Variants in PDGFRL observed in about 807,000 individuals in gnomAD.
PDGFRL encodes platelet derived growth factor receptor like.
In PDGFRL, 46 loss-of-function variants were observed where a neutral mutation model predicts 37.2. The observed-to-expected ratio is 1.24, with a 90% confidence interval of 0.98 to 1.58. The LOEUF (loss-of-function observed/expected upper bound fraction) is 1.58, where lower values mean the gene tolerates loss of function less well. Ranked by LOEUF, PDGFRL falls within the 40% of genes most tolerant of loss-of-function variation. The pLI is 0.00. For missense variants in PDGFRL, 692 were observed against 467.6 expected, an observed-to-expected ratio of 1.48 and a Z score of -4.43; for synonymous variants, 251 against 184.3, an observed-to-expected ratio of 1.36 and a Z score of -2.93.
intron 2 of PDGFRL, among the ~76,000 whole-genome samples, chr8:17,590,901 GA>G (rs1803923867): frequency 4.7e-5 from 2 of 42,610 alleles, no homozygotes; most frequent in African/African-American, 7.1e-5. Context: ...TTTTTTTTTT[GA>G]GACGGAGTCT....
intron 2 of PDGFRL, among the ~76,000 whole-genome samples, chr8:17,593,899 A>AAT (rs1381828858): frequency 6.6e-6 from 1 of 151,440 alleles, no homozygotes; most frequent in East Asian, 1.9e-4. Flanking sequence ...AAAAAAAAAA[A>AAT]AGAAAAAAAA....
At chr8:17,634,294 C>G (rs1165465223) in intron 5 of PDGFRL, 81 bp downstream of exon 5, 4 of 1,120,978 alleles carry the variant, frequency 3.6e-6, no homozygotes, top group Non-Finnish European at 5.2e-6. Context: ...AGCTTCGTCC[C>G]CACCCAGTGC....
At chr8:17,599,343 C>T (rs768027636) in intron 2 of PDGFRL, among the ~76,000 whole-genome samples, 34 of 152,206 alleles carry the variant, frequency 2.2e-4, no homozygotes, top group Admixed American at 1.6e-3. Context: ...ATCATTCTTA[C>T]GCCTTTGTGT....
intron 2 of PDGFRL, among the ~76,000 whole-genome samples, chr8:17,610,358 G>C (rs1174308704): frequency 6.6e-6 from 1 of 152,178 alleles, no homozygotes; most frequent in Non-Finnish European, 1.5e-5. Context: ...AATCCGAAAT[G>C]CTACAAAATC....
chr8:17,602,970 AATTTT>A (rs1325164711), intron 2 of PDGFRL, among the ~76,000 whole-genome samples: 7 of 152,126 alleles, frequency 4.6e-5, no homozygotes, highest in African/African-American at 1.7e-4. Context: ...TTTACAAACA[AATTTT>A]ATTTTATTTT....
chr8:17,636,863 A>G (rs537139835), intron 5 of PDGFRL, among the ~76,000 whole-genome samples: 2 of 151,910 alleles, frequency 1.3e-5, no homozygotes, highest in South Asian at 4.2e-4. Context: ...GAGTATATAT[A>G]TTTTTTGCAG....
upstream of PDGFRL, among the ~76,000 whole-genome samples, chr8:17,576,968 G>A (rs1055112559): frequency 6.6e-6 from 1 of 151,304 alleles, no homozygotes; most frequent in East Asian, 2.0e-4. Flanking sequence ...GAAATTCAAG[G>A]AATGGCTGTT....
chr8:17,619,932 C>G (rs958834403), intron 2 of PDGFRL, among the ~76,000 whole-genome samples: 1 of 152,202 alleles, frequency 6.6e-6, no homozygotes, highest in African/African-American at 2.4e-5. Flanking sequence ...GCTTTTCTCT[C>G]TGCTTCCCCC....
chr8:17,632,063 C>A (rs567697655), intron 4 of PDGFRL, among the ~76,000 whole-genome samples: 1 of 152,336 alleles, frequency 6.6e-6, no homozygotes, highest in Admixed American at 6.5e-5. Context: ...CAGTGCCATC[C>A]TCCCTGGACC....
intron 4 of PDGFRL, among the ~76,000 whole-genome samples, chr8:17,630,301 C>T (rs562229922): frequency 4.6e-5 from 7 of 152,320 alleles, no homozygotes; most frequent in African/African-American, 1.7e-4. Flanking sequence ...ATTGGAACTA[C>T]TTCTTTCAAT....
intron 3 of PDGFRL, among the ~76,000 whole-genome samples, chr8:17,626,607 G>T (rs564538314): frequency 1.8e-4 from 27 of 152,320 alleles, no homozygotes; most frequent in African/African-American, 6.5e-4. Context: ...CAGGAACACT[G>T]TGGGGAAAAC....
At chr8:17,631,838 T>C (rs1296052267) in intron 4 of PDGFRL, among the ~76,000 whole-genome samples, 1 of 152,130 alleles carries the variant, frequency 6.6e-6, no homozygotes, top group East Asian at 1.9e-4. Context: ...CTCTTAGCCT[T>C]CTATCAACTT....
At chr8:17,632,951 C>T (rs1032644246) in intron 4 of PDGFRL, among the ~76,000 whole-genome samples, 2 of 152,184 alleles carry the variant, frequency 1.3e-5, no homozygotes, top group Non-Finnish European at 2.9e-5. Flanking sequence ...TCAGACTGTT[C>T]TATTCTGGCC....
chr8:17,621,024 T>C (rs1262757607), intron 2 of PDGFRL, 27 bp from the exon 3 acceptor site: 1 of 1,565,532 alleles, frequency 6.4e-7, no homozygotes, highest in Non-Finnish European at 8.7e-7. Context: ...CTGACTTGCT[T>C]TGAGTTCATG....
intron 4 of PDGFRL, among the ~76,000 whole-genome samples, chr8:17,632,192 A>T (rs187293719): frequency 9.9e-5 from 15 of 152,200 alleles, no homozygotes; most frequent in African/African-American, 3.6e-4. Context: ...TTTTTCATTA[A>T]ATCACTTTCA....
intron 2 of PDGFRL, among the ~76,000 whole-genome samples, chr8:17,605,819 G>T (rs1008945686): frequency 7.2e-5 from 11 of 152,206 alleles, no homozygotes; most frequent in Admixed American, 5.9e-4. Flanking sequence ...GTCAAAAACT[G>T]GGAGTTGGGA....
At chr8:17,593,090 A>G (rs887530312) in intron 2 of PDGFRL, among the ~76,000 whole-genome samples, 1 of 152,206 alleles carries the variant, frequency 6.6e-6, no homozygotes, top group African/African-American at 2.4e-5. Flanking sequence ...CATTGTGGAT[A>G]TAACAGGATA....
At chr8:17,638,763 ATATATATATATAT>A (rs1563532465) in intron 5 of PDGFRL, among the ~76,000 whole-genome samples, 4 of 115,692 alleles carry the variant, frequency 3.5e-5, no homozygotes, top group Non-Finnish European at 5.1e-5. Flanking sequence ...ATATATATAT[ATATATATATATAT>A]ATATATATAT....
Position 17,642,981 on chromosome 8 carries a change from G to T in PDGFRL, c.*180G>T. On this transcript the variant is annotated 3_prime_UTR_variant, in exon 6 of 6. Coordinates refer to ENST00000251630, the MANE Select transcript of PDGFRL (RefSeq NM_001372073.1). Reference sequence around the variant, plus strand: ...AAGGAAGTCATCCAGTCTATTCACAGAAGTGTTAACTTTTCTAACAGAAAG... The same window carrying T: ...AAGGAAGTCATCCAGTCTATTCACATAAGTGTTAACTTTTCTAACAGAAAG... 2 of 535,716 alleles carry T rather than the reference G, an allele frequency of 3.7e-6. No individual in the cohort carries two copies. 33.2% of individuals were successfully genotyped at this position (535,716 alleles called of 1,614,324 possible).
Sources: allele counts gnomAD v4.1 joint callset (sites outside exome capture counted in the v4.1 genomes callset), GRCh38; gene constraint gnomAD v4.1.1; transcripts MANE v1.5; gene names NCBI Gene and HGNC (gene_info 2026-07-23, HGNC 2026-07-21).